Variants in TRABD2B observed in about 807,000 individuals in gnomAD.
TRABD2B encodes metalloprotease TIKI2.
A neutral mutation model predicts 40.1 loss-of-function variants in TRABD2B; 14 were observed. The observed-to-expected ratio is 0.35, with a 90% confidence interval of 0.23 to 0.55. TRABD2B has a LOEUF of 0.55. Ranked by LOEUF, TRABD2B falls within the 20% of genes least tolerant of loss-of-function variation. The pLI is 0.90. For synonymous variants in TRABD2B, 263 were observed against 277.0 expected (o/e 0.95, Z 0.50); for missense variants, 541 against 648.6 (o/e 0.83, Z 1.80).
chr1:47,966,435 T>G (rs1206359212), intron 2 of TRABD2B, among the ~76,000 whole-genome samples: 1 of 152,190 alleles, frequency 6.6e-6, no homozygotes, highest in East Asian at 1.9e-4. Flanking sequence ...CACTCAGCTT[T>G]CAGTGGGATG....
At chr1:47,987,947 C>T (rs1389535861) in intron 2 of TRABD2B, among the ~76,000 whole-genome samples, 1 of 152,170 alleles carries the variant, frequency 6.6e-6, no homozygotes, top group Non-Finnish European at 1.5e-5. Context: ...GATGGAGGGG[C>T]TCTCCCTCCA....
intron 2 of TRABD2B, among the ~76,000 whole-genome samples, chr1:47,816,214 C>G (rs1342571604): frequency 6.6e-6 from 1 of 152,198 alleles, no homozygotes; most frequent in Non-Finnish European, 1.5e-5. Flanking sequence ...GGGGTCTGGG[C>G]TGCATCTTGA....
At chr1:47,929,926 C>A (rs752693574) in intron 2 of TRABD2B, among the ~76,000 whole-genome samples, 50 of 152,284 alleles carry the variant, frequency 3.3e-4, no homozygotes, top group South Asian at 6.2e-4. Context: ...CCTTGCCCAG[C>A]CCCCCAATGC....
intron 2 of TRABD2B, among the ~76,000 whole-genome samples, chr1:47,879,716 G>T (rs1557632412): frequency 6.6e-6 from 1 of 152,224 alleles, no homozygotes; most frequent in Non-Finnish European, 1.5e-5. Context: ...AGAACAAAAA[G>T]TTGTTTAAAA....
chr1:47,833,922 C>T (rs1014781112), intron 2 of TRABD2B, among the ~76,000 whole-genome samples: 2 of 152,218 alleles, frequency 1.3e-5, no homozygotes, highest in African/African-American at 2.4e-5. Context: ...TTCCAGGGAA[C>T]ATTAATCAGC....
At chr1:47,958,637 G>C (rs1474236744) in intron 2 of TRABD2B, among the ~76,000 whole-genome samples, 2 of 151,790 alleles carry the variant, frequency 1.3e-5, no homozygotes, top group Non-Finnish European at 2.9e-5. Context: ...ATGGTAAAGG[G>C]ATCAATTCAA....
At chr1:47,873,038 G>A (rs1053283697) in intron 2 of TRABD2B, among the ~76,000 whole-genome samples, 6 of 152,182 alleles carry the variant, frequency 3.9e-5, no homozygotes, top group Admixed American at 2.0e-4. Flanking sequence ...ATCATAGATG[G>A]TGCCTTCTTG....
intron 6 of TRABD2B, among the ~76,000 whole-genome samples, chr1:47,771,238 T>G (rs889179118): frequency 2.0e-5 from 3 of 152,164 alleles, no homozygotes; most frequent in African/African-American, 7.2e-5. Context: ...TCTTCCCCTC[T>G]TTGAGAGCTC....
chr1:47,900,022 T>C (rs1407381846), intron 2 of TRABD2B, among the ~76,000 whole-genome samples: 2 of 152,154 alleles, frequency 1.3e-5, no homozygotes, highest in Non-Finnish European at 2.9e-5. Flanking sequence ...GGAAAGTGCT[T>C]GGGCCTGCAT....
At position 47,996,744 on chromosome 1, in the gene TRABD2B, T is replaced by A; in HGVS notation, c.46A>T (p.Thr16Ser). 1 of 1,223,082 alleles carries A rather than the reference T, an allele frequency of 8.2e-7. No individual in the cohort carries two copies. Among genetic ancestry groups the A allele is most frequent in the Non-Finnish European group, 1.0e-6 (1 of 982,282 alleles). The allele number at this position is 1,223,082 out of a possible 1,614,324, so 75.8% of individuals were successfully genotyped here. A position where few individuals can be genotyped will look rare whatever the true frequency, so the allele number is the denominator to read the frequency against. Residue 16 changes from threonine to serine, a missense_variant, in exon 1 of 7, where the codon ACC becomes TCC. Physicochemically the swap from Thr to Ser is moderately conservative, Grantham distance 58. Transcript: ENST00000606738. This position sits in a 1 kb window ranked among gnomAD's most constrained non-coding sequence, Gnocchi z 4.6. The part of the protein sequence containing the change: ...AGPLLAALLA[T>S]ARARPQPPDG... Reference sequence around the variant, plus strand: ...GGGGGCTGCGGGCGGGCGCGAGCGGTGGCGAGGAGGGCGGCGAGCAGCGGC... The same window carrying A: ...GGGGGCTGCGGGCGGGCGCGAGCGGAGGCGAGGAGGGCGGCGAGCAGCGGC...
intron 6 of TRABD2B, among the ~76,000 whole-genome samples, chr1:47,766,383 CGA>C (rs1445836380): frequency 6.6e-6 from 1 of 152,046 alleles, no homozygotes; most frequent in African/African-American, 2.4e-5. Context: ...TGTCACCACT[CGA>C]GAGAATGGGT....
At chr1:47,874,659 T>C (rs1029065511) in intron 2 of TRABD2B, among the ~76,000 whole-genome samples, 1 of 151,264 alleles carries the variant, frequency 6.6e-6, no homozygotes, top group African/African-American at 2.4e-5. Flanking sequence ...CTTTGAACTC[T>C]TGGGCTCAAG....
intron 2 of TRABD2B, among the ~76,000 whole-genome samples, chr1:47,943,305 A>G (rs1199868805): frequency 6.6e-6 from 1 of 152,250 alleles, no homozygotes; most frequent in Admixed American, 6.5e-5. Flanking sequence ...GGTAAACTGT[A>G]AAATGTAATT....
rs1644292453 is a variant in TRABD2B at position 47,765,657 on chromosome 1, A to T, written c.*245T>A. ...ATAGTTTTATCGGTAGAATAAATAC[A>T]TTTTTCTTTTTTAATATGGACACGT... On this transcript the variant is annotated 3_prime_UTR_variant, in exon 7 of 7. Coordinates refer to ENST00000606738, the MANE Select transcript of TRABD2B (RefSeq NM_001194986.2). 2 of 585,668 alleles carry T rather than the reference A, an allele frequency of 3.4e-6. No individual in the cohort carries two copies. Among genetic ancestry groups the T allele is most frequent in the Admixed American group, 3.0e-5 (1 of 33,242 alleles). The allele number at this position is 585,668 out of a possible 1,614,324, so 36.3% of individuals were successfully genotyped here.
At chr1:47,825,011 C>T (rs1218791701) in intron 2 of TRABD2B, among the ~76,000 whole-genome samples, 1 of 152,192 alleles carries the variant, frequency 6.6e-6, no homozygotes, top group East Asian at 1.9e-4. Flanking sequence ...GAACCGCCAG[C>T]CCAATTTTAC....
chr1:47,894,606 A>C (rs1644492423), intron 2 of TRABD2B, among the ~76,000 whole-genome samples: 1 of 152,130 alleles, frequency 6.6e-6, no homozygotes, highest in Non-Finnish European at 1.5e-5. Flanking sequence ...GGCTTCTCTG[A>C]GGAGGTGATA....
At chr1:47,939,955 C>G (rs1360081892) in intron 2 of TRABD2B, among the ~76,000 whole-genome samples, 1 of 152,162 alleles carries the variant, frequency 6.6e-6, no homozygotes, top group Admixed American at 6.5e-5. Flanking sequence ...TCCAAGCAAA[C>G]CTTGCAGAGC....
intron 2 of TRABD2B, among the ~76,000 whole-genome samples, chr1:47,914,815 G>A (rs989070038): frequency 2.6e-5 from 4 of 152,240 alleles, no homozygotes; most frequent in Non-Finnish European, 5.9e-5. Context: ...GGAATGAGCA[G>A]AGCTTACCTG....
chr1:47,960,472 T>C (rs1245480471), intron 2 of TRABD2B, among the ~76,000 whole-genome samples: 2 of 152,156 alleles, frequency 1.3e-5, no homozygotes, highest in African/African-American at 2.4e-5. Flanking sequence ...AACCCGATTG[T>C]CTCAGCCCAA....
Sources: allele counts gnomAD v4.1 joint callset (sites outside exome capture counted in the v4.1 genomes callset), GRCh38; gene constraint gnomAD v4.1.1; non-coding constraint Gnocchi (gnomAD v3.1); transcripts MANE v1.5; gene names NCBI Gene and HGNC (gene_info 2026-07-23, HGNC 2026-07-21).